Variants in SLC35F1 observed in about 807,000 individuals in gnomAD.
SLC35F1 encodes the protein chromosome 6 open reading frame 169.
A neutral mutation model predicts 48.7 loss-of-function variants in SLC35F1; 14 were observed. The ratio of observed to expected loss-of-function variants is 0.29; its 90% CI spans 0.19 to 0.45. SLC35F1 has a LOEUF of 0.45. Among genes scored for constraint, SLC35F1 ranks in the 20% least tolerant of loss-of-function variants. The pLI, the probability that SLC35F1 is intolerant of heterozygous loss-of-function variation, is 1.00. For missense variants in SLC35F1, 404 were observed against 500.0 expected, an observed-to-expected ratio of 0.81 and a Z score of 1.83; for synonymous variants, 190 against 202.2, an observed-to-expected ratio of 0.94 and a Z score of 0.51.
At chr6:118,290,265 A>G (rs1690664) in intron 7 of SLC35F1, among the ~76,000 whole-genome samples, 14,376 of 151,984 alleles carry the variant, frequency 0.095, 701 homozygotes, top group Middle Eastern at 0.14. Flanking sequence ...TTTAATTTCT[A>G]ATTTGAAACA....
intron 1 of SLC35F1, among the ~76,000 whole-genome samples, chr6:118,074,881 C>T (rs940492447): frequency 6.6e-6 from 1 of 152,170 alleles, no homozygotes; most frequent in African/African-American, 2.4e-5. Flanking sequence ...TGGACTCAAG[C>T]AATCTTCCAT....
chr6:118,070,058 C>T (rs1296139063), intron 1 of SLC35F1, among the ~76,000 whole-genome samples: 1 of 145,810 alleles, frequency 6.9e-6, no homozygotes, highest in Non-Finnish European at 1.5e-5. Context: ...ATGGCGTGAA[C>T]CCGGGAAGCG....
intron 1 of SLC35F1, among the ~76,000 whole-genome samples, chr6:118,130,253 C>T (rs1773690235): frequency 6.6e-6 from 1 of 152,152 alleles, no homozygotes; most frequent in African/African-American, 2.4e-5. Flanking sequence ...ATGCCTGTCA[C>T]ATGGCATGAT....
intron 1 of SLC35F1, among the ~76,000 whole-genome samples, chr6:118,065,316 A>C (rs1198977635): frequency 1.3e-5 from 2 of 152,228 alleles, no homozygotes. Flanking sequence ...GATAGGGCTG[A>C]ATTAATTTTT....
At chr6:117,930,285 GCTCTGTTTC>G (rs1776083739) in intron 1 of SLC35F1, among the ~76,000 whole-genome samples, 1 of 152,048 alleles carries the variant, frequency 6.6e-6, no homozygotes, top group Non-Finnish European at 1.5e-5. Context: ...CCATCTCTTG[GCTCTGTTTC>G]CTCTTAGCAT....
chr6:118,018,816 A>G (rs182250559), intron 1 of SLC35F1, among the ~76,000 whole-genome samples: 6 of 152,264 alleles, frequency 3.9e-5, no homozygotes, highest in African/African-American at 1.4e-4. Context: ...AGGCCACACA[A>G]TGTACATCCT....
intron 1 of SLC35F1, among the ~76,000 whole-genome samples, chr6:118,149,474 G>C: frequency 6.6e-6 from 1 of 152,282 alleles, no homozygotes; most frequent in South Asian, 2.1e-4. Flanking sequence ...AGTTAGCAGA[G>C]TGTCAACATT....
Position 118,159,863 on chromosome 6 carries a change from A to G in SLC35F1, c.349+5243A>G, listed in dbSNP as rs565289302. Among the ~76,000 whole-genome samples the G allele has an allele frequency of 1.1e-4, 17 of 152,348 alleles. No homozygotes were observed. In the South Asian group the frequency reaches 3.5e-3, roughly 32 times the overall value. On this transcript the variant is annotated intron_variant, in intron 2 of 7. Transcript: ENST00000360388. Reference sequence around the variant, plus strand: ...CTACCTTTAAATTTTTAAATAATAGATACCCATGATTCCTCTTTTAGCAGT... The same window carrying G: ...CTACCTTTAAATTTTTAAATAATAGGTACCCATGATTCCTCTTTTAGCAGT...
intron 2 of SLC35F1, among the ~76,000 whole-genome samples, chr6:118,156,034 T>C (rs1411475341): frequency 1.3e-5 from 2 of 152,220 alleles, no homozygotes; most frequent in Non-Finnish European, 2.9e-5. Flanking sequence ...GTTTAAAGTA[T>C]TGTAGAAGCT....
chr6:118,220,756 C>A (rs1775135958), intron 2 of SLC35F1, among the ~76,000 whole-genome samples: 1 of 152,192 alleles, frequency 6.6e-6, no homozygotes, highest in Non-Finnish European at 1.5e-5. Flanking sequence ...TGGCAGAAAT[C>A]TGATGTAGTC....
intron 1 of SLC35F1, among the ~76,000 whole-genome samples, chr6:118,046,481 G>A (rs899932508): frequency 2.0e-4 from 31 of 152,154 alleles, no homozygotes; most frequent in African/African-American, 7.5e-4. Flanking sequence ...GGAAATTTGG[G>A]TATGGGCTTT....
At chr6:118,035,627 CA>C (rs869309883) in intron 1 of SLC35F1, among the ~76,000 whole-genome samples, 1 of 68,146 alleles carries the variant, frequency 1.5e-5, no homozygotes, top group African/African-American at 4.3e-5. Flanking sequence ...AAAAAAAAAA[CA>C]ACAACAACAA....
At chr6:117,972,246 C>A (rs1437659907) in intron 1 of SLC35F1, among the ~76,000 whole-genome samples, 1 of 152,196 alleles carries the variant, frequency 6.6e-6, no homozygotes, top group Non-Finnish European at 1.5e-5. Context: ...CCTTATGAGA[C>A]CACCTCAGCC....
chr6:117,928,167 T>A (rs1044063929), intron 1 of SLC35F1, among the ~76,000 whole-genome samples: 1 of 151,956 alleles, frequency 6.6e-6, no homozygotes, highest in African/African-American at 2.4e-5. Flanking sequence ...AAAAATGAAG[T>A]GCTTAGCTCA....
chr6:117,955,561 G>T (rs898739151), intron 1 of SLC35F1, among the ~76,000 whole-genome samples: 2 of 152,172 alleles, frequency 1.3e-5, no homozygotes, highest in Non-Finnish European at 2.9e-5. Context: ...GACACTTGAT[G>T]CTCCATGGTC....
rs552845751 is a variant in SLC35F1, at chr6:118,049,439, G to C, written c.174-105006G>C. Among the ~76,000 whole-genome samples the C allele has an allele frequency of 2.0e-5, 3 of 152,140 alleles. No homozygotes were observed. The East Asian group carries it at 5.8e-4, about 29-fold the overall frequency. Reference sequence around the variant, plus strand: ...AGAGTGAACAGGCAACCCACAAAATGGGAAAAAATTTTTGCAACCTACTCA... The same window carrying C: ...AGAGTGAACAGGCAACCCACAAAATCGGAAAAAATTTTTGCAACCTACTCA... On this transcript the variant is annotated intron_variant, in intron 1 of 7. Transcript: ENST00000360388.
chr6:117,973,580 T>C (rs1462612312), intron 1 of SLC35F1, among the ~76,000 whole-genome samples: 1 of 151,932 alleles, frequency 6.6e-6, no homozygotes, highest in Non-Finnish European at 1.5e-5. Flanking sequence ...TTTTAATATA[T>C]ATTTTTTTGA....
At chr6:118,222,117 G>C (rs2050312) in intron 2 of SLC35F1, among the ~76,000 whole-genome samples, 142,051 of 152,162 alleles carry the variant, frequency 0.93, 66,368 homozygotes, top group East Asian at 0.98. Context: ...ATGATCAGTG[G>C]TTTAATGCAC....
chr6:118,283,950 C>T (rs1195566288), intron 6 of SLC35F1, among the ~76,000 whole-genome samples: 6 of 152,136 alleles, frequency 3.9e-5, no homozygotes, highest in Non-Finnish European at 5.9e-5. Flanking sequence ...AGTGGTTGTT[C>T]CCCCTTCCTC....
Sources: allele counts gnomAD v4.1 joint callset (sites outside exome capture counted in the v4.1 genomes callset), GRCh38; gene constraint gnomAD v4.1.1; transcripts MANE v1.5; gene names NCBI Gene and HGNC (gene_info 2026-07-23, HGNC 2026-07-21).